HELZ: variants seen among roughly 807,000 people sequenced by gnomAD.
HELZ encodes the protein helicase with zinc finger, also known as ATP-dependent RNA helicase with zinc finger domain.
Under a neutral mutation model 218.2 loss-of-function variants are expected in HELZ, and 23 were observed. The observed-to-expected ratio is 0.11, with a 90% CI of 0.08 to 0.15. The LOEUF is 0.15. Ranked by LOEUF, HELZ falls within the 10% of genes least tolerant of loss-of-function variation. The pLI is 1.00. For synonymous variants in HELZ, 814 were observed against 829.4 expected (o/e 0.98, Z 0.32); for missense variants, 1,813 against 2,353.7 (o/e 0.77, Z 4.75).
At chr17:67,142,616 C>T (rs2038363332) in intron 21 of HELZ, among the ~76,000 whole-genome samples, 1 of 151,778 alleles carries the variant, frequency 6.6e-6, no homozygotes, top group Non-Finnish European at 1.5e-5. Context: ...AACATGTAAA[C>T]AAGATGAAAG....
intron 27 of HELZ, among the ~76,000 whole-genome samples, chr17:67,119,504 CTT>C (rs140923250): frequency 0.051 from 7,779 of 152,110 alleles, 669 homozygotes; most frequent in African/African-American, 0.18. Context: ...TGGAAAGAAA[CTT>C]TTTGTAAATA....
chr17:67,115,614 T>C (rs560226881), intron 27 of HELZ, among the ~76,000 whole-genome samples: 1 of 152,208 alleles, frequency 6.6e-6, no homozygotes, highest in South Asian at 2.1e-4. Flanking sequence ...TGGCATCAGA[T>C]TTCTCACTGG....
intron 12 of HELZ, among the ~76,000 whole-genome samples, chr17:67,181,283 A>C (rs558141443): frequency 6.6e-6 from 1 of 152,328 alleles, no homozygotes; most frequent in East Asian, 1.9e-4. Context: ...TAAGTAGCTG[A>C]GACAAGAACA....
At chr17:67,104,233 G>C (rs1187374751) in intron 31 of HELZ, among the ~76,000 whole-genome samples, 2 of 151,994 alleles carry the variant, frequency 1.3e-5, no homozygotes, top group Admixed American at 6.6e-5. Context: ...AGGAGATTGA[G>C]ACTATCCTGG....
chr17:67,179,196 T>C (rs1176422514), intron 12 of HELZ, among the ~76,000 whole-genome samples: 1 of 152,116 alleles, frequency 6.6e-6, no homozygotes, highest in African/African-American at 2.4e-5. Flanking sequence ...ATTTTTAAAA[T>C]ACAGATTAAC....
Position 67,160,881 on chromosome 17 carries a change from C to T in HELZ, c.2075+16G>A. 2 of 1,579,800 alleles carry T rather than the reference C, an allele frequency of 1.3e-6. No individual in the cohort carries two copies. The highest frequency in any genetic ancestry group is 4.6e-5 in the East Asian group (2 of 43,924). Reference sequence around the variant, plus strand: ...ATCCTACCAGGGAAATATGAGCACGCTTCCCACCCTCTCACCTAGTCTCCT... The same window carrying T: ...ATCCTACCAGGGAAATATGAGCACGTTTCCCACCCTCTCACCTAGTCTCCT... On this transcript the variant is annotated intron_variant, in intron 16 of 32. Coordinates refer to ENST00000358691, the MANE Select transcript of HELZ (RefSeq NM_014877.4).
chr17:67,239,236 G>A (rs778185148), intron 3 of HELZ, among the ~76,000 whole-genome samples, 197 bp downstream of exon 3: 2 of 152,164 alleles, frequency 1.3e-5, no homozygotes, highest in Non-Finnish European at 2.9e-5. Context: ...ACACTAACCT[G>A]ACAAGGCAGC....
intron 27 of HELZ, among the ~76,000 whole-genome samples, chr17:67,116,130 C>T (rs2037418169): frequency 6.6e-6 from 1 of 151,516 alleles, no homozygotes; most frequent in African/African-American, 2.4e-5. Context: ...AAGATTTATA[C>T]TATAAACCCT....
intron 15 of HELZ, among the ~76,000 whole-genome samples, chr17:67,163,849 G>C (rs1239815955): frequency 6.6e-6 from 1 of 152,116 alleles, no homozygotes; most frequent in Non-Finnish European, 1.5e-5. Flanking sequence ...TAGTTTCTCA[G>C]TATGTTCCTA....
chr17:67,093,144 AC>A (rs1245631006), intron 31 of HELZ, among the ~76,000 whole-genome samples: 1 of 152,220 alleles, frequency 6.6e-6, no homozygotes, highest in Non-Finnish European at 1.5e-5. Context: ...CAAAACAACA[AC>A]AAACCCTCTA....
At chr17:67,224,932 C>T in intron 3 of HELZ, 2 of 717,628 alleles carry the variant, frequency 2.8e-6, no homozygotes. Flanking sequence ...TGTGCTAAGA[C>T]TTGAGTGCGT....
chr17:67,219,720 C>T (rs891217298), intron 3 of HELZ, among the ~76,000 whole-genome samples: 1 of 152,124 alleles, frequency 6.6e-6, no homozygotes, highest in African/African-American at 2.4e-5. Context: ...TTTTTAAATA[C>T]GGAAGGAATC....
chr17:67,157,406 C>T (rs1156956619), intron 17 of HELZ, among the ~76,000 whole-genome samples: 3 of 152,190 alleles, frequency 2.0e-5, no homozygotes, highest in African/African-American at 7.2e-5. Context: ...AAAGCTTGAT[C>T]GCTGAGCCAA....
At chr17:67,148,814 CA>C in intron 19 of HELZ, 100 bp from the exon 20 acceptor site, 7 of 1,060,102 alleles carry the variant, frequency 6.6e-6, no homozygotes, top group Non-Finnish European at 9.6e-6. Context: ...TTCTTATATA[CA>C]AAACTTCAAC....
intron 13 of HELZ, chr17:67,176,702 G>A (rs1365223747): frequency 1.3e-5 from 2 of 152,286 alleles, no homozygotes; most frequent in Admixed American, 6.5e-5. Context: ...CCGGTATGGT[G>A]ATGCACACCT....
intron 21 of HELZ, among the ~76,000 whole-genome samples, chr17:67,144,163 A>T (rs1028974246): frequency 3.9e-5 from 6 of 152,184 alleles, no homozygotes; most frequent in African/African-American, 1.4e-4. Flanking sequence ...GAGCTTCTAA[A>T]ATCATCTTAC....
chr17:67,178,947 C>T, intron 12 of HELZ, 21 bp from the exon 13 acceptor site: 2 of 1,522,174 alleles, frequency 1.3e-6, no homozygotes, highest in Non-Finnish European at 8.9e-7. Context: ...ACAAAAAACA[C>T]ATTTATAAAG....
intron 12 of HELZ, among the ~76,000 whole-genome samples, chr17:67,179,320 C>T (rs149057643): frequency 2.0e-4 from 31 of 152,258 alleles, no homozygotes; most frequent in African/African-American, 5.5e-4. Flanking sequence ...ACTACCAATA[C>T]CCATCCCATT....
At chr17:67,161,366 G>C (rs1251119745) in intron 15 of HELZ, among the ~76,000 whole-genome samples, 1 of 152,150 alleles carries the variant, frequency 6.6e-6, no homozygotes, top group South Asian at 2.1e-4. Context: ...GCTGCTGCCA[G>C]GTCTTTAAGT....
Sources: allele counts gnomAD v4.1 joint callset (sites outside exome capture counted in the v4.1 genomes callset), GRCh38; gene constraint gnomAD v4.1.1; transcripts MANE v1.5; gene names NCBI Gene and HGNC (gene_info 2026-07-23, HGNC 2026-07-21).